EPHB2: variants seen among roughly 807,000 people sequenced by gnomAD.
The protein encoded by EPHB2 is ephrin type-B receptor 2.
In EPHB2, 18 loss-of-function variants were observed where a neutral mutation model predicts 96.4. That is an observed-to-expected ratio of 0.19 (90% CI 0.13 to 0.28). The LOEUF (loss-of-function observed/expected upper bound fraction) is 0.28, where lower values mean the gene tolerates loss of function less well. Among genes scored for constraint, EPHB2 ranks in the 10% least tolerant of loss-of-function variants. The pLI is 1.00. For synonymous variants in EPHB2, 506 were observed against 534.1 expected, an observed-to-expected ratio of 0.95 and a Z score of 0.72; for missense variants, 989 against 1,355.4, an observed-to-expected ratio of 0.73 and a Z score of 4.25.
chr1:22,722,160 A>AT (rs60822303), intron 1 of EPHB2, among the ~76,000 whole-genome samples: 65,525 of 149,520 alleles, frequency 0.44, 15,629 homozygotes, highest in East Asian at 0.93. Flanking sequence ...CATGCCCAGC[A>AT]TTTTTTTTTT....
chr1:22,872,020 A>AC (rs1190628646), intron 5 of EPHB2, among the ~76,000 whole-genome samples: 2 of 4,630 alleles, frequency 4.3e-4, no homozygotes, highest in African/African-American at 4.4e-4. Context: ...CATCTCAAAG[A>AC]AAAAAAAAAA....
chr1:22,814,851 TTGCTTCACAAA>T (rs1387646105), intron 3 of EPHB2, among the ~76,000 whole-genome samples: 1 of 152,210 alleles, frequency 6.6e-6, no homozygotes, highest in African/African-American at 2.4e-5. Context: ...CCTGACTGCT[TTGCTTCACAAA>T]TGCACGCCGG....
At chr1:22,748,303 A>G (rs924067480) in intron 1 of EPHB2, among the ~76,000 whole-genome samples, 1 of 151,988 alleles carries the variant, frequency 6.6e-6, no homozygotes, top group African/African-American at 2.4e-5. Flanking sequence ...TGGGAAGCTC[A>G]GAGCAAACGT....
rs1640344680 is a variant in EPHB2, at chr1:22,919,474, C to T, written c.*5904C>T. 6.6e-6 allele frequency: 1 copy of T among 152,440 alleles called. No individual in the cohort carries two copies. The highest frequency in any genetic ancestry group is 2.1e-4 in the South Asian group (1 of 4,832). 9.4% of individuals were successfully genotyped at this position (152,440 alleles called of 1,614,324 possible). The stretch of plus-strand genomic sequence containing the variant: ...TACTTTGGAGGGGCCCAGCAACCCA[C>T]TCAGGGCCACCCTGGGAGACCCCAC... On this transcript the variant is annotated 3_prime_UTR_variant, in exon 16 of 16. Transcript: ENST00000374630.
chr1:22,882,621 C>T, intron 6 of EPHB2, 138 bp downstream of exon 6: 1 of 1,387,272 alleles, frequency 7.2e-7, no homozygotes, highest in Non-Finnish European at 9.9e-7. Flanking sequence ...TGGAGTCAGG[C>T]TGCCTGGCTC....
At chr1:22,867,195 G>A (rs988881355) in intron 5 of EPHB2, among the ~76,000 whole-genome samples, 8 of 152,204 alleles carry the variant, frequency 5.3e-5, no homozygotes, top group East Asian at 1.9e-4. Context: ...GTCTGATTGC[G>A]CATGTAAGTC....
intron 3 of EPHB2, among the ~76,000 whole-genome samples, chr1:22,841,166 A>T (rs1176473743): frequency 6.6e-6 from 1 of 152,232 alleles, no homozygotes; most frequent in Non-Finnish European, 1.5e-5. Context: ...GAGCAGTGTG[A>T]CGGGCTCTAA....
chr1:22,719,682 G>A (rs1402314585), intron 1 of EPHB2: 5 of 152,140 alleles, frequency 3.3e-5, no homozygotes, highest in South Asian at 2.1e-4. Context: ...ATGGCTTCCC[G>A]AGCCTCAGCT....
At chr1:22,746,943 C>T (rs1452695657) in intron 1 of EPHB2, among the ~76,000 whole-genome samples, 1 of 152,088 alleles carries the variant, frequency 6.6e-6, no homozygotes, top group Non-Finnish European at 1.5e-5. Flanking sequence ...ACCAGCCCTG[C>T]CTCCCTCCTA....
intron 5 of EPHB2, among the ~76,000 whole-genome samples, chr1:22,876,720 T>TG (rs1638849275): frequency 1.3e-5 from 2 of 152,264 alleles, no homozygotes; most frequent in Middle Eastern, 3.4e-3. Context: ...CACCCCAGGG[T>TG]GGGCGGTGGG....
chr1:22,839,231 C>T (rs1645430370), intron 3 of EPHB2, among the ~76,000 whole-genome samples: 2 of 152,210 alleles, frequency 1.3e-5, no homozygotes. Context: ...ACACTCTGGG[C>T]AACCACCAGT....
chr1:22,823,684 AG>A (rs1645184291), intron 3 of EPHB2, among the ~76,000 whole-genome samples: 1 of 152,254 alleles, frequency 6.6e-6, no homozygotes, highest in Non-Finnish European at 1.5e-5. Flanking sequence ...GGGTGACCTT[AG>A]GCAAGTAACT....
intron 3 of EPHB2, among the ~76,000 whole-genome samples, chr1:22,832,645 C>T (rs892381171): frequency 3.9e-5 from 6 of 152,170 alleles, no homozygotes; most frequent in Admixed American, 3.3e-4. Context: ...ATGCCTCTTC[C>T]TCCAGGAATC....
intron 1 of EPHB2, among the ~76,000 whole-genome samples, chr1:22,776,755 T>C (rs1644458930): frequency 6.6e-6 from 1 of 152,204 alleles, no homozygotes; most frequent in Admixed American, 6.5e-5. Context: ...AACTAAATAA[T>C]TGTACAGGTT....
chr1:22,833,733 T>G (rs1434505222), intron 3 of EPHB2, among the ~76,000 whole-genome samples: 1 of 152,026 alleles, frequency 6.6e-6, no homozygotes, highest in Non-Finnish European at 1.5e-5. Flanking sequence ...GAGTATAAAG[T>G]CAAATACGTG....
intron 3 of EPHB2, among the ~76,000 whole-genome samples, chr1:22,835,495 T>G (rs1200552685): frequency 6.6e-6 from 1 of 152,236 alleles, no homozygotes; most frequent in African/African-American, 2.4e-5. Flanking sequence ...TATGGATATA[T>G]AAAGACTGGG....
intron 1 of EPHB2, among the ~76,000 whole-genome samples, chr1:22,711,913 C>T (rs1643160047): frequency 1.3e-5 from 2 of 152,244 alleles, no homozygotes; most frequent in African/African-American, 4.8e-5. Flanking sequence ...CCCGAGCCAG[C>T]TTGCTCTGGA....
chr1:22,839,358 G>T (rs1047453044), intron 3 of EPHB2, among the ~76,000 whole-genome samples: 9 of 152,214 alleles, frequency 5.9e-5, no homozygotes, highest in South Asian at 4.1e-4. Context: ...CAGACGCAGG[G>T]TCTTTCACTC....
At chr1:22,781,747 G>A (rs1244251093) in intron 2 of EPHB2, among the ~76,000 whole-genome samples, 1 of 152,038 alleles carries the variant, frequency 6.6e-6, no homozygotes, top group Non-Finnish European at 1.5e-5. Flanking sequence ...CTGAGAAGTA[G>A]GTGCTCTCAC....
Sources: gnomAD v4.1 joint callset for allele counts (sites outside exome capture counted in the v4.1 genomes callset) on GRCh38, gnomAD v4.1.1 for gene constraint, MANE v1.5 for transcripts, NCBI Gene and HGNC (gene_info 2026-07-23, HGNC 2026-07-21) for gene names.